NFIB: variants seen among roughly 807,000 people sequenced by gnomAD.
NFIB encodes the protein nuclear factor I B.
Under a neutral mutation model 61.5 loss-of-function variants are expected in NFIB, and 11 were observed. The ratio of observed to expected loss-of-function variants is 0.18; its 90% CI spans 0.11 to 0.30. NFIB has a LOEUF of 0.30. Ranked by LOEUF, NFIB falls within the 10% of genes least tolerant of loss-of-function variation. NFIB has a pLI of 1.00. For synonymous variants in NFIB, 260 were observed against 216.5 expected (o/e 1.20, Z -1.76); for missense variants, 471 against 608.9 (o/e 0.77, Z 2.38).
intron 2 of NFIB, among the ~76,000 whole-genome samples, chr9:14,242,596 A>G (rs1036581418): frequency 1.3e-5 from 2 of 152,244 alleles, no homozygotes; most frequent in African/African-American, 4.8e-5. Flanking sequence ...TGTGCTAGGA[A>G]GAAAGCAAGC....
upstream of NFIB, among the ~76,000 whole-genome samples, chr9:14,399,795 T>C (rs2061724515): frequency 6.6e-6 from 1 of 152,338 alleles, no homozygotes; most frequent in South Asian, 2.1e-4. Flanking sequence ...CTAGGTTGTA[T>C]TGCTATTCTT....
chr9:14,522,287 C>A, the NFIB span, among the ~76,000 whole-genome samples: 7 of 151,698 alleles, frequency 4.6e-5, no homozygotes, highest in Non-Finnish European at 1.0e-4. Flanking sequence ...AATATTCCAG[C>A]GTTTATGTGT....
intron 6 of NFIB, among the ~76,000 whole-genome samples, chr9:14,129,401 AG>A (rs2040115993): frequency 6.6e-6 from 1 of 150,676 alleles, no homozygotes. Context: ...AAAAAAAAAA[AG>A]ACAAAAAAAC....
At position 14,306,994 on chromosome 9, in the gene NFIB, T is replaced by C. The variant is rs2060055229; in HGVS notation, c.557A>G (p.Glu186Gly). 1.2e-6 allele frequency: 2 copies of C among 1,614,030 alleles called. No homozygotes were observed. Among genetic ancestry groups the C allele is most frequent in the Non-Finnish European group, 1.7e-6 (2 of 1,179,888 alleles). Reference protein sequence around the residue: ...LDLFLAYYVQEQDSGQSGSPS... With the variant: ...LDLFLAYYVQGQDSGQSGSPS... Reference sequence around the variant, plus strand: ...AAAGAACAATCTGCTCCTACCTTGCTCCTGCACGTAGTATGCCAAAAACAA... The same window carrying C: ...AAAGAACAATCTGCTCCTACCTTGCCCCTGCACGTAGTATGCCAAAAACAA... Residue 186 changes from glutamate to glycine, a missense_variant, in exon 2 of 11, where the codon GAG becomes GGG. Coordinates refer to ENST00000380953, the MANE Select transcript of NFIB (RefSeq NM_001190737.2).
intron 2 of NFIB, among the ~76,000 whole-genome samples, chr9:14,300,395 G>A (rs1263026599): frequency 4.6e-5 from 7 of 152,114 alleles, no homozygotes; most frequent in African/African-American, 1.7e-4. Context: ...CATTTGCTCC[G>A]CCATAGCACA....
chr9:14,227,141 C>CAA (rs747407066), intron 2 of NFIB, among the ~76,000 whole-genome samples: 73 of 85,094 alleles, frequency 8.6e-4, no homozygotes, highest in African/African-American at 1.1e-3. Flanking sequence ...AACTCCGTGT[C>CAA]AAAAAAAAAA....
intron 1 of NFIB, among the ~76,000 whole-genome samples, chr9:14,388,367 A>AGAAGGAAGGAAG (rs55755915): frequency 1.1e-4 from 14 of 131,916 alleles, no homozygotes; most frequent in South Asian, 5.3e-4. Context: ...AGAGAAAGAA[A>AGAAGGAAGGAAG]GAAGGAAGGA....
intron 2 of NFIB, among the ~76,000 whole-genome samples, chr9:14,209,172 G>A (rs998005546): frequency 2.6e-5 from 4 of 152,150 alleles, no homozygotes; most frequent in Non-Finnish European, 4.4e-5. Context: ...TTTCTGACAT[G>A]GAGATATTTT....
rs563624168 is a variant in NFIB, at chr9:14,280,992, A to G, written c.562+25997T>C. ...AATTATGGCAATACATAAGTTACAT[A>G]GCTCTTTGTGCCACAATATGTACGG... On this transcript the variant is annotated intron_variant, in intron 2 of 10. Transcript: ENST00000380953. Among the ~76,000 whole-genome samples the G allele has an allele frequency of 1.8e-4, 27 of 152,326 alleles. No individual in the cohort carries two copies. In the South Asian group the frequency reaches 5.6e-3, roughly 32 times the overall value.
the NFIB span, among the ~76,000 whole-genome samples, chr9:14,522,586 C>T: frequency 1.3e-5 from 2 of 152,088 alleles, no homozygotes; most frequent in Admixed American, 6.6e-5. Context: ...ACGAAGTTTG[C>T]GTGAGGTCAT....
At chr9:14,232,317 A>T (rs1450480295) in intron 2 of NFIB, among the ~76,000 whole-genome samples, 4 of 152,026 alleles carry the variant, frequency 2.6e-5, no homozygotes, top group Non-Finnish European at 5.9e-5. Context: ...AGGGATTACG[A>T]CCCCGTCACA....
At chr9:14,502,567 A>G in the NFIB span, among the ~76,000 whole-genome samples, 1 of 152,334 alleles carries the variant, frequency 6.6e-6, no homozygotes, top group African/African-American at 2.4e-5. Flanking sequence ...TACGTAAGTC[A>G]TCTGTGCGTT....
intron 1 of NFIB, chr9:14,363,022 T>G (rs2061257953): frequency 6.6e-6 from 1 of 152,208 alleles, no homozygotes; most frequent in African/African-American, 2.4e-5. Context: ...CTCTTGTGCC[T>G]AATTTTATAT....
chr9:14,175,172 T>C (rs1051893901), intron 3 of NFIB, among the ~76,000 whole-genome samples: 1 of 122,978 alleles, frequency 8.1e-6, no homozygotes, highest in Admixed American at 8.2e-5. Flanking sequence ...AATTTCTTTT[T>C]TTTTTTTTTT....
chr9:14,491,377 A>G, the NFIB span, among the ~76,000 whole-genome samples: 2 of 152,222 alleles, frequency 1.3e-5, no homozygotes, highest in African/African-American at 4.8e-5. Context: ...AGGATGAATA[A>G]GGGCAAGAAG....
At chr9:14,397,935 T>C (rs2061703895) in intron 1 of NFIB, among the ~76,000 whole-genome samples, 1 of 152,180 alleles carries the variant, frequency 6.6e-6, no homozygotes, top group African/African-American at 2.4e-5. Flanking sequence ...TCATGTCGCC[T>C]GGGTGGTTTC....
intron 2 of NFIB, among the ~76,000 whole-genome samples, chr9:14,183,767 C>G (rs1167586494): frequency 6.6e-6 from 1 of 152,048 alleles, no homozygotes. Flanking sequence ...GGCAGCCAAC[C>G]AAAACCAGTC....
At chr9:14,231,368 C>T (rs2053176032) in intron 2 of NFIB, among the ~76,000 whole-genome samples, 2 of 151,522 alleles carry the variant, frequency 1.3e-5, no homozygotes, top group Non-Finnish European at 2.9e-5. Context: ...AGAGGGCTGA[C>T]TGTAAAAGAA....
At chr9:14,219,004 G>A (rs1417079885) in intron 2 of NFIB, among the ~76,000 whole-genome samples, 1 of 152,184 alleles carries the variant, frequency 6.6e-6, no homozygotes, top group Non-Finnish European at 1.5e-5. Flanking sequence ...CCATTAAATA[G>A]TTGCCTCATT....
Sources: allele counts gnomAD v4.1 joint callset (sites outside exome capture counted in the v4.1 genomes callset), GRCh38; gene constraint gnomAD v4.1.1; transcripts MANE v1.5; gene names NCBI Gene and HGNC (gene_info 2026-07-23, HGNC 2026-07-21).